The following DMD variants were observed in gnomAD, a reference collection of about 807,000 sequenced individuals.
DMD encodes the protein mutant dystrophin.
DMD carries 63 observed loss-of-function variants against 330.1 expected under a neutral mutation model. That is an observed-to-expected ratio of 0.19 (90% CI 0.16 to 0.24). The LOEUF is 0.24. Ranked by LOEUF, DMD falls within the 10% of genes least tolerant of loss-of-function variation. The pLI, the probability that DMD is intolerant of heterozygous loss-of-function variation, is 1.00. For missense variants in DMD, 3,344 were observed against 2,684.1 expected (o/e 1.25, Z -5.43); for synonymous variants, 1,223 against 959.8 (o/e 1.27, Z -5.07).
At chrX:32,618,491 A>G (rs969795450) in intron 11 of DMD, among the ~76,000 whole-genome samples, 1 of 111,203 alleles carries the variant, frequency 9.0e-6, no homozygotes, top group African/African-American at 3.3e-5. Context: ...GAGGGAAACA[A>G]CAGACATGGG....
intron 55 of DMD, among the ~76,000 whole-genome samples, chrX:31,596,436 A>G (rs1398836957): frequency 1.8e-5 from 2 of 111,949 alleles, no homozygotes; most frequent in Non-Finnish European, 3.8e-5. Context: ...GACAGATACT[A>G]CTCTGATACA....
At chrX:32,658,149 C>T (rs979700828) in intron 9 of DMD, among the ~76,000 whole-genome samples, 1 of 110,955 alleles carries the variant, frequency 9.0e-6, no homozygotes, top group African/African-American at 3.3e-5. Context: ...CCATGTAGCC[C>T]GTTTTGGAAT....
intron 29 of DMD, among the ~76,000 whole-genome samples, chrX:32,436,056 T>C (rs768600907): frequency 8.9e-6 from 1 of 112,117 alleles, no homozygotes; most frequent in Admixed American, 9.4e-5. Context: ...CTCTTCACAC[T>C]AGCTTCAGCT....
chrX:32,766,317 C>A (rs1209318434), intron 7 of DMD, among the ~76,000 whole-genome samples: 6 of 110,833 alleles, frequency 5.4e-5, no homozygotes. Context: ...ATTGAGTGTT[C>A]CATTTCATAA....
chrX:32,174,755 A>AT (rs201374538), intron 44 of DMD, among the ~76,000 whole-genome samples: 3,665 of 105,248 alleles, frequency 0.035, 73 homozygotes, highest in African/African-American at 0.065. Context: ...TTCTATAGAT[A>AT]TTTTTTTTTT....
At chrX:31,668,563 C>T (rs774520945) in intron 53 of DMD, among the ~76,000 whole-genome samples, 3 of 110,588 alleles carry the variant, frequency 2.7e-5, no homozygotes, top group South Asian at 7.6e-4. Context: ...ATGATTATAT[C>T]GAGCAATTTA....
intron 2 of DMD, among the ~76,000 whole-genome samples, chrX:32,965,449 G>A (rs142054282): frequency 0.057 from 5,759 of 101,650 alleles, 453 homozygotes; most frequent in African/African-American, 0.2. Flanking sequence ...AGCCAAGATC[G>A]TGCCACTGCA....
intron 11 of DMD, among the ~76,000 whole-genome samples, chrX:32,617,350 A>C (rs2057662981): frequency 9.0e-6 from 1 of 111,716 alleles, no homozygotes; most frequent in Middle Eastern, 4.2e-3. Context: ...CCAAGACAGC[A>C]TTGTATTAGC....
chrX:31,593,830 A>G lies in DMD; in HGVS notation c.8217+33843T>C, dbSNP rs370140614. 3.1e-4 allele frequency among the ~76,000 whole-genome samples: 35 copies of G among 111,135 alleles called. 1 individual carries two copies. The highest frequency in any genetic ancestry group is 2.2e-3 in the Admixed American group (23 of 10,370). On this transcript the variant is annotated intron_variant, in intron 55 of 78. Transcript: ENST00000357033. ...TGTCTATATAATGAATATTATTGTA[A>G]AGCATATTAAATGTTAAATAAAATC...
intron 1 of DMD, among the ~76,000 whole-genome samples, chrX:33,208,009 T>A (rs761050035): frequency 9.0e-6 from 1 of 111,356 alleles, no homozygotes; most frequent in South Asian, 3.7e-4. Context: ...AGAAAACCAT[T>A]GCCTCTCTCT....
At chrX:31,146,713 G>A (rs1323316312) in intron 75 of DMD, among the ~76,000 whole-genome samples, 4 of 112,200 alleles carry the variant, frequency 3.6e-5, no homozygotes, top group Non-Finnish European at 5.6e-5. Flanking sequence ...TGAATGATGA[G>A]ACTATGTGAG....
intron 1 of DMD, among the ~76,000 whole-genome samples, chrX:33,232,539 A>T (rs2052405876): frequency 9.0e-6 from 1 of 111,701 alleles, no homozygotes; most frequent in Non-Finnish European, 1.9e-5. Context: ...TCCTCTAATT[A>T]GGAGTTCAAG....
intron 55 of DMD, among the ~76,000 whole-genome samples, chrX:31,569,667 T>TACGTATATACGTATATAG (rs1569551992): frequency 8.9e-5 from 9 of 101,364 alleles, no homozygotes; most frequent in African/African-American, 3.2e-4. Flanking sequence ...TACGTATATA[T>TACGTATATACGTATATAG]ACGTATATAT....
intron 44 of DMD, among the ~76,000 whole-genome samples, chrX:32,004,939 T>C (rs770354745): frequency 2.7e-5 from 3 of 111,344 alleles, no homozygotes; most frequent in Non-Finnish European, 3.8e-5. Context: ...TCTTTCTTGA[T>C]GATCTCTCAT....
At chrX:32,607,541 T>C (rs1335844427) in intron 12 of DMD, among the ~76,000 whole-genome samples, 6 of 110,282 alleles carry the variant, frequency 5.4e-5, no homozygotes, top group African/African-American at 2.0e-4. Context: ...TCTACTAGTA[T>C]TAGAAATCCA....
chrX:32,881,297 C>T (rs1178409270), intron 2 of DMD, among the ~76,000 whole-genome samples: 2 of 112,467 alleles, frequency 1.8e-5, no homozygotes, highest in African/African-American at 6.5e-5. Context: ...ATCTAACATT[C>T]CAAATAGTTC....
At chrX:32,300,388 A>T (rs968183695) in intron 42 of DMD, among the ~76,000 whole-genome samples, 4 of 111,403 alleles carry the variant, frequency 3.6e-5, no homozygotes, top group Admixed American at 9.6e-5. Context: ...TCCTCACAGC[A>T]CATTAGATAT....
At chrX:32,800,988 G>A (rs2076522300) in intron 7 of DMD, among the ~76,000 whole-genome samples, 1 of 110,917 alleles carries the variant, frequency 9.0e-6, no homozygotes, top group African/African-American at 3.3e-5. Context: ...CTTTGCTATT[G>A]TGAATAGTGC....
intron 44 of DMD, among the ~76,000 whole-genome samples, chrX:32,037,633 C>T (rs775049514): frequency 1.8e-5 from 2 of 111,400 alleles, no homozygotes; most frequent in Admixed American, 9.6e-5. Context: ...TGGAAATCCT[C>T]CGTTTTATTG....
Sources: gnomAD v4.1 joint callset for allele counts (sites outside exome capture counted in the v4.1 genomes callset) on GRCh38, gnomAD v4.1.1 for gene constraint, MANE v1.5 for transcripts, NCBI Gene and HGNC (gene_info 2026-07-23, HGNC 2026-07-21) for gene names.